ARPC4: variants seen among roughly 807,000 people sequenced by gnomAD.
ARPC4 encodes the protein actin related protein 2/3 complex subunit 4.
In ARPC4, 3 loss-of-function variants were observed where a neutral mutation model predicts 22.8. The ratio of observed to expected loss-of-function variants is 0.13; its 90% CI spans 0.06 to 0.34. The LOEUF (loss-of-function observed/expected upper bound fraction) is 0.34, where lower values mean the gene tolerates loss of function less well. ARPC4 is among the 10% of genes least tolerant of loss of function. ARPC4 has a pLI of 1.00. For synonymous variants in ARPC4, 80 were observed against 72.5 expected (o/e 1.10, Z -0.52); for missense variants, 98 against 211.0 (o/e 0.46, Z 3.32).
intron 1 of ARPC4, among the ~76,000 whole-genome samples, chr3:9,793,986 A>G (rs140823142): frequency 4.6e-4 from 70 of 152,166 alleles, no homozygotes; most frequent in African/African-American, 1.0e-3. Context: ...CTCATATTCT[A>G]TTCTAAATTT....
intron 1 of ARPC4, among the ~76,000 whole-genome samples, chr3:9,795,471 C>T (rs994490725): frequency 6.6e-6 from 1 of 152,128 alleles, no homozygotes; most frequent in Non-Finnish European, 1.5e-5. Context: ...TAGTTCCTTA[C>T]CCCCTTAAGA....
chr3:9,806,107 A>G (rs2079101718), intron 5 of ARPC4, 103 bp from the exon 6 acceptor site: 2 of 1,348,572 alleles, frequency 1.5e-6, no homozygotes, highest in Non-Finnish European at 2.1e-6. Flanking sequence ...CCCCTCACAG[A>G]TATGAGCACA....
chr3:9,802,815 A>G (rs1397334752), intron 4 of ARPC4, among the ~76,000 whole-genome samples: 1 of 151,656 alleles, frequency 6.6e-6, no homozygotes, highest in Non-Finnish European at 1.5e-5. Context: ...CTGGGATTAT[A>G]GGCACGCATG....
upstream of ARPC4, chr3:9,792,817 C>T (rs1317407001): frequency 7.4e-7 from 1 of 1,351,962 alleles, no homozygotes. Context: ...TGTACCATTG[C>T]ATACCTGGGG....
chr3:9,794,296 G>A (rs992681669), intron 1 of ARPC4, among the ~76,000 whole-genome samples: 5 of 152,002 alleles, frequency 3.3e-5, no homozygotes, highest in African/African-American at 9.7e-5. Context: ...TCAGGAGATC[G>A]AGACCATCCT....
Position 9,806,435 on chromosome 3 carries a change from C to A in ARPC4, c.*220C>A. On this transcript the variant is annotated 3_prime_UTR_variant, in exon 6 of 6. Coordinates refer to ENST00000397261, the MANE Select transcript of ARPC4 (RefSeq NM_005718.5). ...CCTGGTCAGGCTGGCTTCTGATGTT[C>A]AGTCCCCTGGGCCGGGACAGATTTT... The A allele has an allele frequency of 1.6e-6, 1 of 607,668 alleles. No individual in the cohort carries two copies. The highest frequency in any genetic ancestry group is 3.0e-6 in the Non-Finnish European group (1 of 337,284). The allele number at this position is 607,668 out of a possible 1,614,324, so 37.6% of individuals were successfully genotyped here. A position where few individuals can be genotyped will look rare whatever the true frequency, so the allele number is the denominator to read the frequency against.
At chr3:9,805,676 G>T (rs1284870336) in intron 5 of ARPC4, among the ~76,000 whole-genome samples, 1 of 152,246 alleles carries the variant, frequency 6.6e-6, no homozygotes, top group African/African-American at 2.4e-5. Context: ...GCTAGTTTCA[G>T]GCATGGGCCA....
intron 1 of ARPC4, among the ~76,000 whole-genome samples, chr3:9,793,346 G>A (rs2078798106): frequency 6.6e-6 from 1 of 152,216 alleles, no homozygotes; most frequent in African/African-American, 2.4e-5. Context: ...TGGCTTCACG[G>A]TCAGCCTTCG....
intron 1 of ARPC4, among the ~76,000 whole-genome samples, chr3:9,796,814 G>T (rs1050523693): frequency 5.3e-5 from 8 of 151,800 alleles, no homozygotes; most frequent in Non-Finnish European, 1.0e-4. Context: ...GGTGGTGGGC[G>T]CCTGTAGTCC....
intron 1 of ARPC4, among the ~76,000 whole-genome samples, chr3:9,797,119 G>A (rs755214730): frequency 6.6e-6 from 1 of 152,008 alleles, no homozygotes; most frequent in Non-Finnish European, 1.5e-5. Context: ...GCTGTTTGAG[G>A]GTAGAGACAG....
chr3:9,797,653 C>A lies in ARPC4; in HGVS notation c.4-6C>A. On this transcript the variant is annotated splice_polypyrimidine_tract_variant and splice_region_variant and intron_variant, in intron 1 of 5. Transcript: ENST00000397261. ...TCTTCCCTTTCCTCTGTGTTATTTC[C>A]TATAGACTGCCACTCTCCGCCCCTA... The A allele has an allele frequency of 6.2e-7, 1 of 1,612,926 alleles. No homozygotes were observed. The highest frequency in any genetic ancestry group is 8.5e-7 in the Non-Finnish European group (1 of 1,179,252).
rs1045894534 is a variant in ARPC4, at chr3:9,806,796, G to A, written c.*581G>A. The A allele has an allele frequency of 1.9e-5, 3 of 154,150 alleles. No homozygotes were observed. The allele number at this position is 154,150 out of a possible 1,614,324, so 9.5% of individuals were successfully genotyped here. A position where few individuals can be genotyped will look rare whatever the true frequency, so the allele number is the denominator to read the frequency against. ...TAAAGATGGCCCCCCAGCACTGGTTGGGGACAAGGGCCAAATTGGTGACCA... is the reference window on the plus strand; with the variant it reads ...TAAAGATGGCCCCCCAGCACTGGTTAGGGACAAGGGCCAAATTGGTGACCA... On this transcript the variant is annotated 3_prime_UTR_variant, in exon 6 of 6. Transcript: ENST00000397261.
chr3:9,806,623 G>A lies in ARPC4; in HGVS notation c.*408G>A. The A allele has an allele frequency of 4.8e-6, 1 of 206,898 alleles. No homozygotes were observed. 12.8% of individuals were successfully genotyped at this position (206,898 alleles called of 1,614,324 possible). On this transcript the variant is annotated 3_prime_UTR_variant, in exon 6 of 6. Transcript: ENST00000397261. ...GGTCTGGGCGGGCCTGGAGCCAGAA[G>A]GCGACTTATTTTTTCTCTCCTATGC...
chr3:9,796,051 G>A (rs2078876925), intron 1 of ARPC4, among the ~76,000 whole-genome samples: 1 of 152,058 alleles, frequency 6.6e-6, no homozygotes, highest in South Asian at 2.1e-4. Flanking sequence ...AGCCAAGATT[G>A]CACCACTGCG....
At chr3:9,801,305 G>A (rs949350542) in intron 3 of ARPC4, among the ~76,000 whole-genome samples, 2 of 149,906 alleles carry the variant, frequency 1.3e-5, no homozygotes, top group Admixed American at 1.3e-4. Flanking sequence ...TTAAAGCAGA[G>A]ACCACCTAAG....
intron 1 of ARPC4, among the ~76,000 whole-genome samples, chr3:9,797,412 AAAAG>A (rs961691819): frequency 5.9e-5 from 9 of 152,334 alleles, no homozygotes; most frequent in African/African-American, 1.7e-4. Flanking sequence ...CCCAGGTTAA[AAAAG>A]AAAGAAAGGA....
At chr3:9,802,763 C>T (rs2079039214) in intron 4 of ARPC4, among the ~76,000 whole-genome samples, 2 of 151,160 alleles carry the variant, frequency 1.3e-5, no homozygotes, top group Non-Finnish European at 2.9e-5. Flanking sequence ...AACCTTCCAC[C>T]TCCCAGGTCA....
At chr3:9,804,976 G>A (rs1437428094) in intron 5 of ARPC4, among the ~76,000 whole-genome samples, 1 of 152,200 alleles carries the variant, frequency 6.6e-6, no homozygotes, top group Non-Finnish European at 1.5e-5. Flanking sequence ...TGAAATGAAG[G>A]TCTGGTAATT....
intron 5 of ARPC4, among the ~76,000 whole-genome samples, chr3:9,804,778 C>A (rs759466758): frequency 6.6e-6 from 1 of 152,172 alleles, no homozygotes; most frequent in African/African-American, 2.4e-5. Context: ...AAATTATACC[C>A]GCTTCCCTTG....
Sources: gnomAD v4.1 joint callset for allele counts (sites outside exome capture counted in the v4.1 genomes callset) on GRCh38, gnomAD v4.1.1 for gene constraint, MANE v1.5 for transcripts, NCBI Gene and HGNC (gene_info 2026-07-23, HGNC 2026-07-21) for gene names.